UBE2U: variants seen among roughly 807,000 people sequenced by gnomAD.
The protein encoded by UBE2U is ubiquitin conjugating enzyme E2 U.
In UBE2U, 39 loss-of-function variants were observed where a neutral mutation model predicts 41.2. The observed-to-expected ratio is 0.95, with a 90% CI of 0.73 to 1.24. The LOEUF (loss-of-function observed/expected upper bound fraction) is 1.24, where lower values mean the gene tolerates loss of function less well. Ranked by LOEUF, UBE2U falls within the 50% of genes most tolerant of loss-of-function variation. UBE2U has a pLI of 0.00. For missense variants in UBE2U, 336 were observed against 363.1 expected (o/e 0.93, Z 0.61); for synonymous variants, 107 against 117.8 (o/e 0.91, Z 0.60).
chr1:64,209,389 C>G (rs1209245488), intron 3 of UBE2U, among the ~76,000 whole-genome samples: 3 of 152,038 alleles, frequency 2.0e-5, no homozygotes, highest in African/African-American at 7.2e-5. Flanking sequence ...AAGAATTGAG[C>G]ATATGTGGCC....
At chr1:64,256,047 A>T (rs1227344525) in intron 8 of UBE2U, among the ~76,000 whole-genome samples, 1 of 152,186 alleles carries the variant, frequency 6.6e-6, no homozygotes, top group Non-Finnish European at 1.5e-5. Context: ...ATAAAATACT[A>T]GGAATACAGC....
chr1:64,239,270 TA>T (rs1644790483), intron 7 of UBE2U, among the ~76,000 whole-genome samples: 1 of 151,836 alleles, frequency 6.6e-6, no homozygotes, highest in Non-Finnish European at 1.5e-5. Flanking sequence ...CTCAGAACAA[TA>T]ATAAGAAATA....
Position 64,239,144 on chromosome 1 carries a change from G to GAA in UBE2U, c.596-2507_596-2506dup, listed in dbSNP as rs1160221684. Among the ~76,000 whole-genome samples, 112 of 27,816 alleles carry GAA rather than the reference G, an allele frequency of 4.0e-3. 5 individuals carry two copies. Among genetic ancestry groups the GAA allele is most frequent in the African/African-American group, 5.9e-3 (33 of 5,608 alleles). The allele number at this position is 27,816 out of a possible 152,430, so 18.2% of individuals were successfully genotyped here. On this transcript the variant is annotated intron_variant, in intron 7 of 9. Coordinates refer to ENST00000371077, the MANE Select transcript of UBE2U (RefSeq NM_001366232.2). ...AGAAGAAGAAGAAGAAGAAGAAGAAGAAGAAGAAGAAGAAAGAAGAAGAAG... is the reference window on the plus strand; with the variant it reads ...AGAAGAAGAAGAAGAAGAAGAAGAAGAAAAGAAGAAGAAGAAAGAAGAAGAAG...
chr1:64,259,620 T>G (rs1036531228), intron 8 of UBE2U, among the ~76,000 whole-genome samples: 3 of 152,072 alleles, frequency 2.0e-5, no homozygotes, highest in Non-Finnish European at 2.9e-5. Context: ...AACATTTCTA[T>G]GCCACCTACT....
chr1:64,217,868 A>G (rs1470986173), intron 5 of UBE2U, among the ~76,000 whole-genome samples: 1 of 152,196 alleles, frequency 6.6e-6, no homozygotes, highest in Non-Finnish European at 1.5e-5. Flanking sequence ...CTACAAATAC[A>G]TCATATTCTG....
intron 6 of UBE2U, among the ~76,000 whole-genome samples, chr1:64,224,998 G>A (rs1414756396): frequency 1.3e-5 from 2 of 151,982 alleles, no homozygotes; most frequent in Admixed American, 6.6e-5. Context: ...AATAGCAAGT[G>A]AGAGAATCCC....
intron 6 of UBE2U, among the ~76,000 whole-genome samples, chr1:64,231,762 G>T (rs1644570715): frequency 1.3e-5 from 2 of 152,134 alleles, no homozygotes; most frequent in Admixed American, 1.3e-4. Context: ...CTTCTAAAGA[G>T]CTAAGAACTT....
At chr1:64,219,730 G>C (rs1039136468) in intron 5 of UBE2U, among the ~76,000 whole-genome samples, 2 of 151,718 alleles carry the variant, frequency 1.3e-5, no homozygotes, top group African/African-American at 4.8e-5. Context: ...CAAGTAGCTG[G>C]GACTACAGGC....
intron 3 of UBE2U, among the ~76,000 whole-genome samples, chr1:64,210,097 A>G (rs546349856): frequency 1.3e-5 from 2 of 152,306 alleles, no homozygotes; most frequent in Non-Finnish European, 2.9e-5. Context: ...TTTAAGATCT[A>G]TTAATCTTGT....
At position 64,241,933 on chromosome 1, in the gene UBE2U, A is replaced by G. The variant is rs80050062; in HGVS notation, c.677+200A>G. ...CCCAGGTAGGAAATATCTTTGCTAC[A>G]TATTTGCTGCCAAAGATGGAGATAG... On this transcript the variant is annotated intron_variant, in intron 8 of 9. Coordinates refer to ENST00000371077, the MANE Select transcript of UBE2U (RefSeq NM_001366232.2). Among the ~76,000 whole-genome samples the G allele has an allele frequency of 8.3e-3, 1,260 of 152,288 alleles. 21 individuals carry two copies. The highest frequency in any genetic ancestry group is 0.029 in the African/African-American group (1,220 of 41,564).
At chr1:64,244,065 C>G (rs1188430002) in intron 8 of UBE2U, 8 of 1,083,956 alleles carry the variant, frequency 7.4e-6, no homozygotes, top group Non-Finnish European at 1.0e-5. Flanking sequence ...GCATGGCAAG[C>G]ACTCATAAAG....
intron 8 of UBE2U, among the ~76,000 whole-genome samples, chr1:64,243,210 G>A (rs1188568783): frequency 6.6e-6 from 1 of 152,100 alleles, no homozygotes; most frequent in Non-Finnish European, 1.5e-5. Context: ...TAGATCAAGT[G>A]ATATTTGCTG....
At chr1:64,263,282 T>G (rs1645207184) in intron 9 of UBE2U, among the ~76,000 whole-genome samples, 1 of 152,084 alleles carries the variant, frequency 6.6e-6, no homozygotes, top group African/African-American at 2.4e-5. Flanking sequence ...GTGCCTTGAC[T>G]TTGAGCTTTT....
At chr1:64,240,942 C>T (rs368648596) in intron 7 of UBE2U, among the ~76,000 whole-genome samples, 1 of 151,924 alleles carries the variant, frequency 6.6e-6, no homozygotes, top group African/African-American at 2.4e-5. Flanking sequence ...ATTGGCCAGG[C>T]TATATTTCAA....
intron 6 of UBE2U, among the ~76,000 whole-genome samples, chr1:64,230,962 A>C (rs1282358406): frequency 1.3e-5 from 2 of 152,222 alleles, no homozygotes; most frequent in East Asian, 3.8e-4. Context: ...TATCCCTGTA[A>C]GCTTACTTTA....
At position 64,232,578 on chromosome 1, in the gene UBE2U, C is replaced by G. The variant is rs770527320; in HGVS notation, c.524C>G (p.Ser175Ter). 1.9e-6 allele frequency: 3 copies of G among 1,612,898 alleles called. No homozygotes were observed. In the East Asian group the frequency reaches 6.7e-5, roughly 36 times the overall value. ...RKCIRPIKTT[S>*]FSDYYQTWSR... The stretch of plus-strand genomic sequence containing the variant: ...ATTTTCAGACCAATTAAAACAACCT[C>G]ATTTAGTGATTACTACCAGACATGG... Residue 175 changes from serine (S) to a stop codon, truncating the protein, a stop_gained, in exon 7 of 10, where the codon TCA (serine) becomes TGA (stop). Coordinates refer to ENST00000371077, the MANE Select transcript of UBE2U (RefSeq NM_001366232.2). LOFTEE classifies it high-confidence loss of function.
At chr1:64,247,944 C>T (rs148985313) in intron 8 of UBE2U, among the ~76,000 whole-genome samples, 204 of 152,044 alleles carry the variant, frequency 1.3e-3, no homozygotes, top group African/African-American at 4.6e-3. Flanking sequence ...TCTGCACACA[C>T]CGGCTCCCCT....
intron 8 of UBE2U, among the ~76,000 whole-genome samples, chr1:64,255,287 C>CA (rs538445111): frequency 5.3e-5 from 8 of 149,940 alleles, no homozygotes; most frequent in South Asian, 2.1e-4. Flanking sequence ...GCCTACCAAC[C>CA]AAAAAAAAAG....
intron 7 of UBE2U, among the ~76,000 whole-genome samples, chr1:64,235,047 G>T (rs1007954006): frequency 6.6e-6 from 1 of 152,092 alleles, no homozygotes; most frequent in Non-Finnish European, 1.5e-5. Flanking sequence ...AAAAATAGAA[G>T]CATGTGCCAA....
Sources: gnomAD v4.1 joint callset for allele counts (sites outside exome capture counted in the v4.1 genomes callset) on GRCh38, gnomAD v4.1.1 for gene constraint, MANE v1.5 for transcripts, NCBI Gene and HGNC (gene_info 2026-07-23, HGNC 2026-07-21) for gene names.